POLR2F: variants seen among roughly 807,000 people sequenced by gnomAD.
POLR2F encodes DNA-directed RNA polymerases I, II, and III subunit RPABC2.
A neutral mutation model predicts 22.7 loss-of-function variants in POLR2F; 12 were observed. The observed-to-expected ratio is 0.53, with a 90% CI of 0.34 to 0.86. The LOEUF is 0.86. Ranked by LOEUF, POLR2F falls within the 40% of genes least tolerant of loss-of-function variation. The probability of loss-of-function intolerance (pLI) is 0.02; values close to 1 mark genes in which losing one functional copy is unlikely to be tolerated. For synonymous variants in POLR2F, 57 were observed against 66.0 expected, an observed-to-expected ratio of 0.86 and a Z score of 0.66; for missense variants, 126 against 171.5, an observed-to-expected ratio of 0.73 and a Z score of 1.48.
intron 1 of POLR2F, among the ~76,000 whole-genome samples, chr22:38,000,130 T>A (rs1237380580): frequency 6.6e-6 from 1 of 152,160 alleles, no homozygotes; most frequent in Non-Finnish European, 1.5e-5. Flanking sequence ...ACATGATGCC[T>A]CCCCTGACGG....
At chr22:37,972,156 AG>A, downstream of POLR2F, 1 of 371,338 alleles carries the variant, frequency 2.7e-6, no homozygotes. Flanking sequence ...GGGGAGGGGA[AG>A]GGGGTGGGGA....
chr22:37,990,925 C>G (rs1238863898), intron 1 of POLR2F, among the ~76,000 whole-genome samples: 1 of 152,254 alleles, frequency 6.6e-6, no homozygotes, highest in East Asian at 1.9e-4. Flanking sequence ...TGGTGTTCCT[C>G]AGGACACTGA....
At chr22:37,996,712 C>A (rs543584228) in intron 1 of POLR2F, among the ~76,000 whole-genome samples, 1 of 152,270 alleles carries the variant, frequency 6.6e-6, no homozygotes, top group South Asian at 2.1e-4. Flanking sequence ...TGCTGTGTGA[C>A]CTTGGGTGGG....
chr22:37,958,293 A>G (rs1232453320), intron 2 of POLR2F: 2 of 146,686 alleles, frequency 1.4e-5, no homozygotes. Flanking sequence ...GGTTCATGCC[A>G]TTCTCCTGCC....
chr22:38,005,374 C>T (rs2084811830), intron 1 of POLR2F, among the ~76,000 whole-genome samples: 1 of 152,246 alleles, frequency 6.6e-6, no homozygotes, highest in Non-Finnish European at 1.5e-5. Flanking sequence ...ATCTGCCCAC[C>T]TCAGCCTCCC....
intron 3 of POLR2F, among the ~76,000 whole-genome samples, chr22:37,966,113 T>TATATGC (rs931546025): frequency 7.2e-5 from 11 of 152,202 alleles, no homozygotes; most frequent in African/African-American, 2.6e-4. Flanking sequence ...CCAAGAAAAG[T>TATATGC]ATATGCAAAA....
At chr22:38,026,760 G>A (rs533159791), downstream of POLR2F, 16 of 180,494 alleles carry the variant, frequency 8.9e-5, no homozygotes, top group Admixed American at 1.6e-4. Context: ...GGGAGGGGAC[G>A]CAGCTGTACT....
At chr22:37,972,322 C>T (rs559557716), downstream of POLR2F, 30 of 1,039,558 alleles carry the variant, frequency 2.9e-5, no homozygotes, top group African/African-American at 4.1e-4. Context: ...TAACCGGAAC[C>T]TTTAATTTTA....
rs766790108 is a variant in POLR2F, at chr22:37,986,992, G to A, written c.120+680G>A. 1 of 453,810 alleles carries A rather than the reference G, an allele frequency of 2.2e-6. No homozygotes were observed. Among genetic ancestry groups the A allele is most frequent in the Non-Finnish European group, 4.5e-6 (1 of 224,716 alleles). 28.1% of individuals were successfully genotyped at this position (453,810 alleles called of 1,614,324 possible). ...CCTTCTCCTCCTTTCCCTGCTGGGG[G>A]TGGCAGGGGTCCCTTTACCCCCTCA... is the stretch of plus-strand genomic sequence containing the variant. On this transcript the variant is annotated intron_variant, in intron 1 of 2. Coordinates refer to the POLR2F transcript ENST00000333418. This position sits in a 1 kb window ranked among gnomAD's most constrained non-coding sequence, Gnocchi z 4.7.
At chr22:38,005,525 G>A (rs1331288680) in intron 1 of POLR2F, among the ~76,000 whole-genome samples, 1 of 152,250 alleles carries the variant, frequency 6.6e-6, no homozygotes, top group Admixed American at 6.5e-5. Context: ...TGGCCAGGTG[G>A]AGGAAAGACT....
downstream of POLR2F, among the ~76,000 whole-genome samples, chr22:38,027,526 G>C (rs1307068782): frequency 6.6e-6 from 1 of 151,962 alleles, no homozygotes; most frequent in Non-Finnish European, 1.5e-5. Context: ...CTTCTGCCCG[G>C]AACTCCCTCC....
intron 2 of POLR2F, among the ~76,000 whole-genome samples, chr22:37,959,135 T>G (rs974374330): frequency 3.3e-5 from 5 of 152,198 alleles, no homozygotes; most frequent in Non-Finnish European, 5.9e-5. Flanking sequence ...TAGCTGACTT[T>G]CCAAGCCTCT....
rs2084996668 is a variant in POLR2F at position 38,025,280 on chromosome 22, A to T, written c.121-589A>T. Among the ~76,000 whole-genome samples the T allele has an allele frequency of 2.0e-5, 3 of 152,068 alleles. No individual in the cohort carries two copies. In the South Asian group the frequency reaches 6.2e-4, roughly 32 times the overall value. ...AGGCACTCATGTACTCCCACAACAC[A>T]CAAACACACACAGATGCACTTGCAA... On this transcript the variant is annotated intron_variant, in intron 1 of 2. Transcript: ENST00000333418.
At chr22:38,040,551 A>C (rs2085162651) in intron 5 of POLR2F, 1 of 157,660 alleles carries the variant, frequency 6.3e-6, no homozygotes, top group African/African-American at 2.4e-5. Flanking sequence ...CAAGGGAGTC[A>C]GATTTGTGTT....
intron 5 of POLR2F, among the ~76,000 whole-genome samples, chr22:38,037,461 G>T: frequency 7.6e-6 from 1 of 131,736 alleles, no homozygotes; most frequent in Non-Finnish European, 1.5e-5. Flanking sequence ...TTTTTGTAGA[G>T]ATGGGGATCT....
upstream of POLR2F, chr22:37,983,694 G>A (rs1450867536): frequency 5.9e-6 from 9 of 1,527,028 alleles, no homozygotes; most frequent in Non-Finnish European, 7.0e-6. The surrounding 1 kb of genome is among the most constrained non-coding windows in gnomAD (Gnocchi z 9.5). Context: ...TCGGGCCCTA[G>A]CGAGGGCGCG....
At chr22:38,034,526 C>T (rs1331695740) in intron 5 of POLR2F, among the ~76,000 whole-genome samples, 2 of 152,180 alleles carry the variant, frequency 1.3e-5, no homozygotes, top group African/African-American at 2.4e-5. Context: ...CAGCATGGGG[C>T]GGGGTGCGGA....
chr22:38,021,240 G>C (rs2084958206), intron 1 of POLR2F, among the ~76,000 whole-genome samples: 2 of 152,200 alleles, frequency 1.3e-5, no homozygotes, highest in South Asian at 2.1e-4. Context: ...GAATTGGCCA[G>C]GGACGGTGCG....
At chr22:37,960,855 T>C (rs1601866944) in intron 3 of POLR2F, among the ~76,000 whole-genome samples, 1 of 144,410 alleles carries the variant, frequency 6.9e-6, no homozygotes, top group African/African-American at 2.6e-5. Flanking sequence ...TTTTTTCTTT[T>C]TTTTTTTTTT....
Sources: gnomAD v4.1 joint callset for allele counts (sites outside exome capture counted in the v4.1 genomes callset) on GRCh38, gnomAD v4.1.1 for gene constraint, Gnocchi (gnomAD v3.1) non-coding constraint, MANE v1.5 for transcripts, NCBI Gene and HGNC (gene_info 2026-07-23, HGNC 2026-07-21) for gene names.